Variants in RGS6 observed in about 807,000 individuals in gnomAD.
The protein encoded by RGS6 is regulator of G protein signaling 6.
RGS6 carries 30 observed loss-of-function variants against 78.5 expected under a neutral mutation model. The observed-to-expected ratio is 0.38, with a 90% CI of 0.29 to 0.52. RGS6 has a LOEUF of 0.52. RGS6 is among the 20% of genes least tolerant of loss of function. The probability of loss-of-function intolerance (pLI) is 0.85; values close to 1 mark genes in which losing one functional copy is unlikely to be tolerated. For synonymous variants in RGS6, 206 were observed against 206.0 expected (o/e 1.00, Z 0.00); for missense variants, 495 against 609.7 (o/e 0.81, Z 1.98).
chr14:71,964,998 C>T (rs1380862708), intron 2 of RGS6, 123 bp downstream of exon 2: 1 of 572,668 alleles, frequency 1.7e-6, no homozygotes, highest in Non-Finnish European at 2.8e-6. Context: ...ATATTTTCTT[C>T]TCACATCCTC....
chr14:71,882,784 G>A, the RGS6 span, among the ~76,000 whole-genome samples: 1 of 152,198 alleles, frequency 6.6e-6, no homozygotes, highest in Non-Finnish European at 1.5e-5. Context: ...TCTGTTTAAT[G>A]TTAATTAGGA....
intron 3 of RGS6, among the ~76,000 whole-genome samples, chr14:72,430,186 A>G (rs2094570689): frequency 6.6e-6 from 1 of 152,178 alleles, no homozygotes; most frequent in Non-Finnish European, 1.5e-5. Context: ...GGGGATCCAT[A>G]TATGCAGACA....
intron 2 of RGS6, among the ~76,000 whole-genome samples, chr14:72,326,185 A>G (rs1197149624): frequency 1.3e-5 from 2 of 152,230 alleles, no homozygotes; most frequent in Admixed American, 1.3e-4. Flanking sequence ...TCATTACCAC[A>G]AAGGTCTGGT....
At chr14:71,957,594 C>T (rs978395268) in intron 1 of RGS6, among the ~76,000 whole-genome samples, 5 of 151,964 alleles carry the variant, frequency 3.3e-5, no homozygotes, top group African/African-American at 4.8e-5. Context: ...TCCAGAGCAG[C>T]GTGGAGTTCA....
chr14:71,953,079 AT>A (rs1451881458), intron 1 of RGS6, among the ~76,000 whole-genome samples: 2 of 152,212 alleles, frequency 1.3e-5, no homozygotes, highest in Admixed American at 1.3e-4. Context: ...AGTCAGTAGT[AT>A]TAGAAACTAT....
the RGS6 span, among the ~76,000 whole-genome samples, chr14:72,609,796 T>C: frequency 3.7e-3 from 559 of 152,282 alleles, 6 homozygotes; most frequent in African/African-American, 0.013. Flanking sequence ...AGATATTGTC[T>C]CAAGACCATT....
chr14:71,978,805 T>C (rs1163958832), intron 2 of RGS6, among the ~76,000 whole-genome samples: 4 of 152,140 alleles, frequency 2.6e-5, no homozygotes, highest in Admixed American at 2.0e-4. Flanking sequence ...ATTCCCTCTT[T>C]TCCTATTGAT....
chr14:72,175,587 A>T (rs1304086337), intron 2 of RGS6, among the ~76,000 whole-genome samples: 3 of 152,222 alleles, frequency 2.0e-5, no homozygotes, highest in Non-Finnish European at 2.9e-5. Flanking sequence ...AATGTAGAAG[A>T]TCATTCATTG....
At chr14:72,027,604 T>A (rs1217769771) in intron 2 of RGS6, among the ~76,000 whole-genome samples, 1 of 152,170 alleles carries the variant, frequency 6.6e-6, no homozygotes, top group African/African-American at 2.4e-5. Context: ...GGTTGGTCAC[T>A]TTGTTGCAAA....
At chr14:72,468,405 A>G (rs1164172985) in intron 7 of RGS6, among the ~76,000 whole-genome samples, 1 of 151,962 alleles carries the variant, frequency 6.6e-6, no homozygotes, top group Non-Finnish European at 1.5e-5. Flanking sequence ...TGGCATTGAG[A>G]TGTGCTCTCA....
the RGS6 span, among the ~76,000 whole-genome samples, chr14:71,924,471 T>G: frequency 6.6e-5 from 10 of 152,206 alleles, no homozygotes; most frequent in Non-Finnish European, 1.2e-4. Context: ...ATAGCCCTCA[T>G]GCTATACATT....
At chr14:71,965,006 C>G (rs1018570987) in intron 2 of RGS6, 131 bp downstream of exon 2, 1 of 536,880 alleles carries the variant, frequency 1.9e-6, no homozygotes, top group African/African-American at 1.9e-5. Flanking sequence ...TTCTCACATC[C>G]TCTGGTTCTC....
chr14:72,321,150 G>A (rs1438542885), intron 2 of RGS6, among the ~76,000 whole-genome samples: 1 of 151,856 alleles, frequency 6.6e-6, no homozygotes, highest in African/African-American at 2.4e-5. Context: ...AAAGTAAAAT[G>A]TCAGTGTTTC....
At chr14:72,388,712 C>T (rs1596598273) in intron 3 of RGS6, among the ~76,000 whole-genome samples, 1 of 152,332 alleles carries the variant, frequency 6.6e-6, no homozygotes, top group Non-Finnish European at 1.5e-5. Flanking sequence ...TTAAGTTTGA[C>T]TCTGAAGCCG....
chr14:71,922,486 C>T, the RGS6 span, among the ~76,000 whole-genome samples: 1 of 152,212 alleles, frequency 6.6e-6, no homozygotes, highest in Non-Finnish European at 1.5e-5. Context: ...CTTTCCCTCA[C>T]ACCTAAAATA....
At chr14:72,505,143 G>A (rs779498200) in intron 13 of RGS6, among the ~76,000 whole-genome samples, 7 of 151,902 alleles carry the variant, frequency 4.6e-5, no homozygotes, top group South Asian at 2.1e-4. Flanking sequence ...TGTAAGCCAC[G>A]TTCACATTTT....
the RGS6 span, among the ~76,000 whole-genome samples, chr14:72,578,988 C>T: frequency 6.6e-6 from 1 of 152,114 alleles, no homozygotes; most frequent in East Asian, 1.9e-4. Flanking sequence ...AGTCTGCAAT[C>T]CTTAGGAAAA....
At chr14:72,302,576 T>C (rs2066317718) in intron 2 of RGS6, among the ~76,000 whole-genome samples, 1 of 152,186 alleles carries the variant, frequency 6.6e-6, no homozygotes, top group African/African-American at 2.4e-5. Context: ...CTGATGTTTT[T>C]GAAATTTCAG....
chr14:72,561,827 C>T (rs1297688279), intron 17 of RGS6, among the ~76,000 whole-genome samples: 1 of 152,206 alleles, frequency 6.6e-6, no homozygotes, highest in African/African-American at 2.4e-5. Flanking sequence ...TGCCCTGGGG[C>T]CTACAGTGGC....
Sources: gnomAD v4.1 joint callset for allele counts (sites outside exome capture counted in the v4.1 genomes callset) on GRCh38, gnomAD v4.1.1 for gene constraint, MANE v1.5 for transcripts, NCBI Gene and HGNC (gene_info 2026-07-23, HGNC 2026-07-21) for gene names.